Variants in GALNT10 observed in about 807,000 individuals in gnomAD.
GALNT10 encodes the protein polypeptide N-acetylgalactosaminyltransferase 10, also known as GalNAc transferase 10.
A neutral mutation model predicts 75.0 loss-of-function variants in GALNT10; 41 were observed. That is an observed-to-expected ratio of 0.55 (90% CI 0.43 to 0.71). The LOEUF is 0.71. Ranked by LOEUF, GALNT10 falls within the 30% of genes least tolerant of loss-of-function variation. GALNT10 has a pLI of 0.00. For missense variants in GALNT10, 727 were observed against 818.5 expected, an observed-to-expected ratio of 0.89 and a Z score of 1.36; for synonymous variants, 302 against 313.0, an observed-to-expected ratio of 0.96 and a Z score of 0.37.
intron 4 of GALNT10, among the ~76,000 whole-genome samples, chr5:154,364,108 T>A (rs750798800): frequency 5.3e-5 from 8 of 152,064 alleles, no homozygotes; most frequent in Non-Finnish European, 1.0e-4. Context: ...GGGAGAAGAA[T>A]AGAATAGGAT....
intron 1 of GALNT10, among the ~76,000 whole-genome samples, chr5:154,283,832 C>T (rs966971364): frequency 1.3e-5 from 2 of 152,304 alleles, no homozygotes; most frequent in South Asian, 4.1e-4. Context: ...TCATTGTCTA[C>T]CAGGTGTACT....
At chr5:154,203,746 C>G (rs1364600812) in intron 1 of GALNT10, among the ~76,000 whole-genome samples, 1 of 152,224 alleles carries the variant, frequency 6.6e-6, no homozygotes, top group Non-Finnish European at 1.5e-5. Flanking sequence ...AGGACACTCC[C>G]TTGGATGAGG....
At chr5:154,241,630 A>G (rs78599394) in intron 1 of GALNT10, among the ~76,000 whole-genome samples, 2,473 of 152,198 alleles carry the variant, frequency 0.016, 69 homozygotes, top group African/African-American at 0.054. Context: ...TTTTCACTTA[A>G]TATATTGTGA....
chr5:154,254,362 CAT>C (rs1213485253), intron 1 of GALNT10, among the ~76,000 whole-genome samples: 2 of 152,158 alleles, frequency 1.3e-5, no homozygotes, highest in East Asian at 3.9e-4. Flanking sequence ...GTGCCTCTTA[CAT>C]ATATAGTAGA....
chr5:154,322,273 T>C (rs991183681), intron 3 of GALNT10, among the ~76,000 whole-genome samples: 6 of 152,228 alleles, frequency 3.9e-5, no homozygotes, highest in African/African-American at 1.4e-4. Flanking sequence ...CTGCCGACTG[T>C]TCCCAGCTGC....
In GALNT10 at chr5:154,298,955, A is replaced by G. The variant is rs1211756952; in HGVS notation, c.401+876A>G. On this transcript the variant is annotated intron_variant, in intron 3 of 11. Coordinates refer to ENST00000297107, the MANE Select transcript of GALNT10 (RefSeq NM_198321.4). This position sits in a 1 kb window ranked among gnomAD's most constrained non-coding sequence, Gnocchi z 4.1. Reference sequence around the variant, plus strand: ...CTCCCTGGGGATGCTGGCGCTGCTTATCTTGGGACCACACTTTGAGAATCA... The same window carrying G: ...CTCCCTGGGGATGCTGGCGCTGCTTGTCTTGGGACCACACTTTGAGAATCA... Among the ~76,000 whole-genome samples the G allele has an allele frequency of 6.6e-6, 1 of 152,224 alleles. No homozygotes were observed. Among genetic ancestry groups the G allele is most frequent in the Non-Finnish European group, 1.5e-5 (1 of 68,034 alleles).
At chr5:154,215,894 A>G (rs974860927) in intron 1 of GALNT10, among the ~76,000 whole-genome samples, 1 of 152,350 alleles carries the variant, frequency 6.6e-6, no homozygotes, top group East Asian at 1.9e-4. Context: ...AGCTCTGAGC[A>G]TCTGCATACC....
At chr5:154,192,058 C>G (rs553389524) in intron 1 of GALNT10, among the ~76,000 whole-genome samples, 22 of 152,306 alleles carry the variant, frequency 1.4e-4, no homozygotes, top group Admixed American at 6.5e-4. Context: ...GGCTTTCTTA[C>G]GGGATTTCTC....
At chr5:154,378,559 A>G (rs1331342590) in intron 5 of GALNT10, among the ~76,000 whole-genome samples, 1 of 152,116 alleles carries the variant, frequency 6.6e-6, no homozygotes, top group Non-Finnish European at 1.5e-5. Context: ...AGTGCTGACT[A>G]TGTGCCAGAG....
intron 4 of GALNT10, chr5:154,338,125 G>A: frequency 2.1e-6 from 2 of 947,256 alleles, no homozygotes; most frequent in South Asian, 2.6e-5. Context: ...TCACAGTTGA[G>A]TGGGCACCTG....
At chr5:154,211,956 G>A (rs561004657) in intron 1 of GALNT10, among the ~76,000 whole-genome samples, 14 of 152,302 alleles carry the variant, frequency 9.2e-5, no homozygotes, top group Admixed American at 2.6e-4. Flanking sequence ...CCTATTAGAA[G>A]TGAGTCATGA....
intron 1 of GALNT10, among the ~76,000 whole-genome samples, chr5:154,291,326 C>T (rs890384972): frequency 6.6e-6 from 1 of 152,140 alleles, no homozygotes; most frequent in African/African-American, 2.4e-5. Context: ...TAAAGGTTGC[C>T]TAACCCTTGC....
chr5:154,252,219 C>T (rs1443289168), intron 1 of GALNT10, among the ~76,000 whole-genome samples: 1 of 152,146 alleles, frequency 6.6e-6, no homozygotes, highest in East Asian at 1.9e-4. Context: ...TGTTATACCA[C>T]TGTCTCCCTC....
At chr5:154,307,493 G>A (rs1372992073) in intron 3 of GALNT10, among the ~76,000 whole-genome samples, 3 of 151,898 alleles carry the variant, frequency 2.0e-5, no homozygotes, top group Non-Finnish European at 4.4e-5. Context: ...GGTGGCAGGC[G>A]CCTGTAGTCC....
chr5:154,336,540 T>C (rs572052661), intron 4 of GALNT10, among the ~76,000 whole-genome samples: 1 of 152,342 alleles, frequency 6.6e-6, no homozygotes, highest in African/African-American at 2.4e-5. Flanking sequence ...TGCTTAGTGG[T>C]CTCTCACTTT....
chr5:154,239,827 T>C (rs1753304905), intron 1 of GALNT10, among the ~76,000 whole-genome samples: 2 of 152,234 alleles, frequency 1.3e-5, no homozygotes, highest in Non-Finnish European at 2.9e-5. Context: ...ATCTGTGTTT[T>C]AATAAGCAAT....
chr5:154,217,048 T>C (rs149832745), intron 1 of GALNT10, among the ~76,000 whole-genome samples: 1 of 152,352 alleles, frequency 6.6e-6, no homozygotes, highest in East Asian at 1.9e-4. Flanking sequence ...CCTATGTGCT[T>C]AGAGATTTGT....
chr5:154,393,718 G>A (rs922554347), intron 7 of GALNT10, among the ~76,000 whole-genome samples: 1 of 152,084 alleles, frequency 6.6e-6, no homozygotes, highest in Non-Finnish European at 1.5e-5. Flanking sequence ...CTGCGTGCCT[G>A]TAGTCCCAGC....
chr5:154,208,961 G>C (rs1225438470), intron 1 of GALNT10, among the ~76,000 whole-genome samples: 1 of 152,190 alleles, frequency 6.6e-6, no homozygotes, highest in Non-Finnish European at 1.5e-5. Flanking sequence ...GAGTGGTAGA[G>C]AGTCACTAGA....
Sources: gnomAD v4.1 joint callset for allele counts (sites outside exome capture counted in the v4.1 genomes callset) on GRCh38, gnomAD v4.1.1 for gene constraint, Gnocchi (gnomAD v3.1) non-coding constraint, MANE v1.5 for transcripts, NCBI Gene and HGNC (gene_info 2026-07-23, HGNC 2026-07-21) for gene names.